OR51D1: variants seen among roughly 807,000 people sequenced by gnomAD.
The protein encoded by OR51D1 is olfactory receptor family 51 subfamily D member 1, also known as olfactory receptor 51D1.
For missense variants in OR51D1, 452 were observed against 396.2 expected (o/e 1.14, Z -1.20); for synonymous variants, 187 against 161.1 (o/e 1.16, Z -1.22).
intron 1 of OR51D1, among the ~76,000 whole-genome samples, chr11:4,638,853 G>A (rs1013704700): frequency 4.6e-5 from 7 of 152,110 alleles, no homozygotes; most frequent in Non-Finnish European, 8.8e-5. Context: ...ATGCAGTGGG[G>A]GTGATCTCGT....
Position 4,640,294 on chromosome 11 carries a change from C to T in OR51D1, c.504C>T (p.Phe168=), listed in dbSNP as rs758247032. 1.2e-6 allele frequency: 2 copies of T among 1,612,740 alleles called. No homozygotes were observed. Among genetic ancestry groups the T allele is most frequent in the Non-Finnish European group, 8.5e-7 (1 of 1,180,042 alleles). ...CTGCCCTGACCAGGGGGTTTGTATTCTTCTTCCCACTGCCCTTCATCCTCA... is the reference window on the plus strand; with the variant it reads ...CTGCCCTGACCAGGGGGTTTGTATTTTTCTTCCCACTGCCCTTCATCCTCA... ...GLSALTRGFV[F]FFPLPFILKW... is the part of the protein sequence containing the mutation. Residue 168 remains phenylalanine (F), a synonymous_variant, in exon 2 of 2, where the codon TTC becomes TTT. Coordinates refer to ENST00000641817, the MANE Select transcript of OR51D1 (RefSeq NM_001004751.3).
chr11:4,639,086 T>C (rs4910655), intron 1 of OR51D1, among the ~76,000 whole-genome samples: 34,137 of 152,192 alleles, frequency 0.22, 4,009 homozygotes, highest in South Asian at 0.39. Flanking sequence ...CCACTGTACC[T>C]GGCGGGGCTT....
At position 4,640,321 on chromosome 11, in the gene OR51D1, G is replaced by A. The variant is rs748603572; in HGVS notation, c.531G>A (p.Lys177=). The A allele has an allele frequency of 1.2e-6, 2 of 1,614,158 alleles. No homozygotes were observed. Among genetic ancestry groups the A allele is most frequent in the Admixed American group, 1.7e-5 (1 of 60,030 alleles). The change falls in exon 2 of 2, where the codon AAG becomes AAA. Residue 177 remains lysine (K), a synonymous_variant. Coordinates refer to ENST00000641817, the MANE Select transcript of OR51D1 (RefSeq NM_001004751.3). ...TCTTCCCACTGCCCTTCATCCTCAA[G>A]TGGTTGTCCTACTGCCAAACACATA... is the stretch of plus-strand genomic sequence containing the variant. ...VFFFPLPFIL[K]WLSYCQTHTV...
Position 4,640,721 on chromosome 11 carries a change from A to C in OR51D1, c.931A>C (p.Ile311Leu). Reference protein sequence around the residue: ...PLVYGAKTKEICSRVLCMFSQ... With the variant: ...PLVYGAKTKELCSRVLCMFSQ... Reference sequence around the variant, plus strand: ...TGTCTATGGAGCCAAGACCAAAGAGATCTGTTCAAGGGTCCTCTGTATGTT... The same window carrying C: ...TGTCTATGGAGCCAAGACCAAAGAGCTCTGTTCAAGGGTCCTCTGTATGTT... Residue 311 changes from isoleucine to leucine, a missense_variant, in exon 2 of 2, where the codon ATC becomes CTC. Physicochemically the swap from Ile to Leu is conservative, Grantham distance 5. Transcript: ENST00000641817. 6.2e-7 allele frequency: 1 copy of C among 1,613,472 alleles called. No homozygotes were observed. Among genetic ancestry groups the C allele is most frequent in the South Asian group, 1.1e-5 (1 of 91,036 alleles).
rs1014467631 is a variant in OR51D1, at chr11:4,640,671, T to C, written c.881T>C (p.Leu294Pro). 1.2e-6 allele frequency: 2 copies of C among 1,613,860 alleles called. No homozygotes were observed. Among genetic ancestry groups the C allele is most frequent in the African/African-American group, 2.7e-5 (2 of 74,882 alleles). The stretch of plus-strand genomic sequence containing the variant: ...GTGGTTATGGCTAATACCTACTTGC[T>C]GCTACCACCTGTAGTCAACCCCCTT... ...LHVVMANTYLLLPPVVNPLVY... is the reference protein window; with the variant it reads ...LHVVMANTYLPLPPVVNPLVY... Residue 294 changes from leucine (L) to proline (P), a missense_variant, in exon 2 of 2, where the codon CTG (leucine) becomes CCG (proline). Physicochemically the swap from Leu to Pro is moderately conservative, Grantham distance 98 (BLOSUM62 -3). Transcript: ENST00000641817.
At chr11:4,639,295 T>G (rs1437334707) in intron 1 of OR51D1, among the ~76,000 whole-genome samples, 1 of 152,214 alleles carries the variant, frequency 6.6e-6, no homozygotes, top group Non-Finnish European at 1.5e-5. Flanking sequence ...TATCTTAAAT[T>G]AGATTATAGT....
rs1846968060 is a variant in OR51D1 at position 4,641,552 on chromosome 11, A to G, written c.*787A>G. On this transcript the variant is annotated 3_prime_UTR_variant, in exon 2 of 2. Coordinates refer to ENST00000641817, the MANE Select transcript of OR51D1 (RefSeq NM_001004751.3). ...GATTGCGCATTTGTATTTCTGTGGT[A>G]TCTGTTAGTTGGTATATGATATGTG... The G allele has an allele frequency of 6.6e-6, 1 of 152,420 alleles. No homozygotes were observed. The highest frequency in any genetic ancestry group is 2.4e-5 in the African/African-American group (1 of 41,396). 9.4% of individuals were successfully genotyped at this position (152,420 alleles called of 1,614,324 possible). A position where few individuals can be genotyped will look rare whatever the true frequency, so the allele number is the denominator to read the frequency against.
rs953222966 is a variant in OR51D1 at position 4,642,296 on chromosome 11, C to G, written c.*1531C>G. The stretch of plus-strand genomic sequence containing the variant: ...GGCACTGGCCTCCCTAAACCCTGCC[C>G]TCCTGCCTCAATAGCAAGTCATGGT... On this transcript the variant is annotated 3_prime_UTR_variant, in exon 2 of 2. Transcript: ENST00000641817. The G allele has an allele frequency of 1.3e-5, 2 of 152,242 alleles. No individual in the cohort carries two copies. The highest frequency in any genetic ancestry group is 4.8e-5 in the African/African-American group (2 of 41,442). 9.4% of individuals were successfully genotyped at this position (152,242 alleles called of 1,614,324 possible).
rs1846962253 is a variant in OR51D1 at position 4,641,025 on chromosome 11, G to C, written c.*260G>C. On this transcript the variant is annotated 3_prime_UTR_variant, in exon 2 of 2. Coordinates refer to ENST00000641817, the MANE Select transcript of OR51D1 (RefSeq NM_001004751.3). The stretch of plus-strand genomic sequence containing the variant: ...CTCTCTCAGCTAGAAAATACATCTA[G>C]TTTTGACATGGGGAGGCTGTAAAGA... The C allele has an allele frequency of 2.6e-6, 1 of 391,590 alleles. No homozygotes were observed. 24.3% of individuals were successfully genotyped at this position (391,590 alleles called of 1,614,324 possible). A position where few individuals can be genotyped will look rare whatever the true frequency, so the allele number is the denominator to read the frequency against.
rs1212314086 is a variant in OR51D1 at position 4,642,401 on chromosome 11, T to C, written c.*1636T>C. 6.6e-6 allele frequency: 1 copy of C among 151,954 alleles called. No individual in the cohort carries two copies. Among genetic ancestry groups the C allele is most frequent in the Non-Finnish European group, 1.5e-5 (1 of 68,036 alleles). 9.4% of individuals were successfully genotyped at this position (151,954 alleles called of 1,614,324 possible). A position where few individuals can be genotyped will look rare whatever the true frequency, so the allele number is the denominator to read the frequency against. ...CTTGGTTCCCCATCTCTACTAAAAATACAACAATTAGCCGGGTGTGATGGC... is the reference window on the plus strand; with the variant it reads ...CTTGGTTCCCCATCTCTACTAAAAACACAACAATTAGCCGGGTGTGATGGC... On this transcript the variant is annotated 3_prime_UTR_variant, in exon 2 of 2. Coordinates refer to ENST00000641817, the MANE Select transcript of OR51D1 (RefSeq NM_001004751.3).
At position 4,640,788 on chromosome 11, in the gene OR51D1, A is replaced by G. The variant is rs891138514; in HGVS notation, c.*23A>G. ...TGAGACACCTTAGTGTCTCGCTTCTACTACTACTACAGAAGATGGGAATAT... is the reference window on the plus strand; with the variant it reads ...TGAGACACCTTAGTGTCTCGCTTCTGCTACTACTACAGAAGATGGGAATAT... On this transcript the variant is annotated 3_prime_UTR_variant, in exon 2 of 2. Coordinates refer to ENST00000641817, the MANE Select transcript of OR51D1 (RefSeq NM_001004751.3). The G allele has an allele frequency of 6.3e-7, 1 of 1,576,986 alleles. No homozygotes were observed. Among genetic ancestry groups the G allele is most frequent in the Non-Finnish European group, 8.6e-7 (1 of 1,159,788 alleles).
intron 1 of OR51D1, among the ~76,000 whole-genome samples, chr11:4,639,541 A>C (rs1013046850): frequency 6.6e-6 from 1 of 152,208 alleles, no homozygotes; most frequent in Non-Finnish European, 1.5e-5. Flanking sequence ...ATGGGACAGT[A>C]ATAGAATCTG....
Position 4,640,019 on chromosome 11 carries a change from G to T in OR51D1, c.229G>T (p.Ala77Ser). 1 of 1,614,116 alleles carries T rather than the reference G, an allele frequency of 6.2e-7. No individual in the cohort carries two copies. Among genetic ancestry groups the T allele is most frequent in the East Asian group, 2.2e-5 (1 of 44,874 alleles). The change falls in exon 2 of 2, where the codon GCC (alanine) becomes TCC (serine). Residue 77 changes from alanine (A) to serine (S), a missense_variant. Coordinates refer to ENST00000641817, the MANE Select transcript of OR51D1 (RefSeq NM_001004751.3). ...GCATGAGCCCATGTACCTCTTCCTG[G>T]CCATGCTTTCCACTATTGACCTAGT... is the stretch of plus-strand genomic sequence containing the variant. Reference protein sequence around the residue: ...RLHEPMYLFLAMLSTIDLVLS... With the variant: ...RLHEPMYLFLSMLSTIDLVLS...
At position 4,639,978 on chromosome 11, in the gene OR51D1, G is replaced by C. The variant is rs777726305; in HGVS notation, c.188G>C (p.Arg63Pro). Residue 63 changes from arginine (R) to proline (P), a missense_variant, in exon 2 of 2, where the codon CGT (arginine) becomes CCT (proline). Physicochemically the swap from Arg to Pro is moderately radical, Grantham distance 103. Transcript: ENST00000641817. ...AACCTGACCATTGTCCTCATCATTC[G>C]TGTGGAGAGGCGACTGCATGAGCCC... The part of the protein sequence containing the change: ...LGNLTIVLII[R>P]VERRLHEPMY... The C allele has an allele frequency of 6.2e-7, 1 of 1,614,132 alleles. No homozygotes were observed. The highest frequency in any genetic ancestry group is 1.7e-5 in the Admixed American group (1 of 60,018).
rs1384239419 is a variant in OR51D1 at position 4,641,873 on chromosome 11, A to T, written c.*1108A>T. ...TTCTGTGTGCATATTGTTGGTACTG[A>T]TGCTATTTTCGTGCATATGTCTAGT... On this transcript the variant is annotated 3_prime_UTR_variant, in exon 2 of 2. Coordinates refer to ENST00000641817, the MANE Select transcript of OR51D1 (RefSeq NM_001004751.3). 6 of 152,388 alleles carry T rather than the reference A, an allele frequency of 3.9e-5. No individual in the cohort carries two copies. The East Asian group carries it at 1.2e-3, about 29-fold the overall frequency. The allele number at this position is 152,388 out of a possible 1,614,324, so 9.4% of individuals were successfully genotyped here.
rs1846973419 is a variant in OR51D1, at chr11:4,641,966, T to C, written c.*1201T>C. The C allele has an allele frequency of 6.6e-6, 1 of 152,630 alleles. No homozygotes were observed. Among genetic ancestry groups the C allele is most frequent in the Non-Finnish European group, 1.5e-5 (1 of 68,070 alleles). The allele number at this position is 152,630 out of a possible 1,614,324, so 9.5% of individuals were successfully genotyped here. On this transcript the variant is annotated 3_prime_UTR_variant, in exon 2 of 2. Transcript: ENST00000641817. The stretch of plus-strand genomic sequence containing the variant: ...ATGTGACACGAATGGGGACAGCATC[T>C]GTATTTCTGAGCATGGATTGATGTG...
rs1342873311 is a variant in OR51D1 at position 4,640,497 on chromosome 11, G to C, written c.707G>C (p.Trp236Ser). 4 of 1,613,558 alleles carry C rather than the reference G, an allele frequency of 2.5e-6. No homozygotes were observed. Among genetic ancestry groups the C allele is most frequent in the East Asian group, 2.2e-5 (1 of 44,842 alleles). ...GGCTTCTCATATATCCTCATCCTGTGGGCTGTTTTGGAGCTGTCCTCTCGG... is the reference window on the plus strand; with the variant it reads ...GGCTTCTCATATATCCTCATCCTGTCGGCTGTTTTGGAGCTGTCCTCTCGG... The part of the protein sequence containing the change: ...FIGFSYILIL[W>S]AVLELSSRRA... Residue 236 changes from tryptophan to serine, a missense_variant, in exon 2 of 2, where the codon TGG becomes TCG. Physicochemically the swap from Trp to Ser is radical, Grantham distance 177. Coordinates refer to ENST00000641817, the MANE Select transcript of OR51D1 (RefSeq NM_001004751.3).
At position 4,639,977 on chromosome 11, in the gene OR51D1, C is replaced by T. The variant is rs375185822; in HGVS notation, c.187C>T (p.Arg63Cys). Reference protein sequence around the residue: ...LGNLTIVLIIRVERRLHEPMY... With the variant: ...LGNLTIVLIICVERRLHEPMY... ...TAACCTGACCATTGTCCTCATCATT[C>T]GTGTGGAGAGGCGACTGCATGAGCC... Residue 63 changes from arginine (R) to cysteine (C), a missense_variant, in exon 2 of 2, where the codon CGT becomes TGT. Coordinates refer to ENST00000641817, the MANE Select transcript of OR51D1 (RefSeq NM_001004751.3). 1.2e-5 allele frequency: 19 copies of T among 1,614,024 alleles called. No individual in the cohort carries two copies. Among genetic ancestry groups the T allele is most frequent in the Middle Eastern group, 1.6e-4 (1 of 6,084 alleles).
At chr11:4,637,910 G>T (rs1278393097) in intron 1 of OR51D1, among the ~76,000 whole-genome samples, 157 bp downstream of exon 1, 4 of 152,160 alleles carry the variant, frequency 2.6e-5, no homozygotes, top group African/African-American at 9.7e-5. Flanking sequence ...ACTGTGAAGG[G>T]CCTTGTCTGC....
Sources: gnomAD v4.1 joint callset for allele counts (sites outside exome capture counted in the v4.1 genomes callset) on GRCh38, gnomAD v4.1.1 for gene constraint, MANE v1.5 for transcripts, NCBI Gene and HGNC (gene_info 2026-07-23, HGNC 2026-07-21) for gene names.